Variants in TLE3 observed in about 807,000 individuals in gnomAD.
The protein encoded by TLE3 is TLE family member 3, transcriptional corepressor, also known as transducin-like enhancer protein 3.
In TLE3, 14 loss-of-function variants were observed where a neutral mutation model predicts 93.0. That is an observed-to-expected ratio of 0.15 (90% CI 0.10 to 0.24). TLE3 has a LOEUF of 0.24. Ranked by LOEUF, TLE3 falls within the 10% of genes least tolerant of loss-of-function variation. The probability of loss-of-function intolerance (pLI) is 1.00; values close to 1 mark genes in which losing one functional copy is unlikely to be tolerated. For missense variants in TLE3, 693 were observed against 1,046.6 expected (o/e 0.66, Z 4.66); for synonymous variants, 451 against 425.0 (o/e 1.06, Z -0.75).
chr15:70,095,764 T>G, intron 2 of TLE3, 123 bp from the exon 3 acceptor site: 61 of 1,145,952 alleles, frequency 5.3e-5, no homozygotes, highest in Non-Finnish European at 6.9e-5. Flanking sequence ...GCGCCCCCAT[T>G]ATCCCACAGC....
intron 18 of TLE3, 107 bp downstream of exon 18, chr15:70,052,267 G>C (rs1488452554): frequency 2.8e-6 from 4 of 1,440,562 alleles, no homozygotes; most frequent in Non-Finnish European, 3.7e-6. Context: ...CTGGTTCCAG[G>C]GCCTAGCTTA....
rs2055306701 is a variant in TLE3 at position 70,049,181 on chromosome 15, C to T, written c.*916G>A. The T allele has an allele frequency of 6.6e-6, 1 of 152,176 alleles. No individual in the cohort carries two copies. Among genetic ancestry groups the T allele is most frequent in the African/African-American group, 2.4e-5 (1 of 41,392 alleles). The allele number at this position is 152,176 out of a possible 1,614,324, so 9.4% of individuals were successfully genotyped here. ...CTCACAACAATAACTAAGTGTGCAC[C>T]AAAGAGAAAGACCAGGCTGAGGAGG... is the stretch of plus-strand genomic sequence containing the variant. On this transcript the variant is annotated 3_prime_UTR_variant, in exon 20 of 20. Transcript: ENST00000451782.
chr15:70,083,578 C>T (rs989151235), intron 4 of TLE3, among the ~76,000 whole-genome samples: 1 of 146,450 alleles, frequency 6.8e-6, no homozygotes, highest in Non-Finnish European at 1.5e-5. Flanking sequence ...CCCCCTCCCC[C>T]ACCTTCCCAG....
chr15:70,086,998 C>T (rs1227497150), intron 4 of TLE3, among the ~76,000 whole-genome samples: 1 of 152,234 alleles, frequency 6.6e-6, no homozygotes, highest in African/African-American at 2.4e-5. Context: ...ACAAACACAA[C>T]GTTTGCAGCC....
intron 8 of TLE3, among the ~76,000 whole-genome samples, chr15:70,062,004 C>T (rs2056508338): frequency 6.6e-6 from 1 of 152,204 alleles, no homozygotes. Flanking sequence ...GGGGCAAGGG[C>T]CACTTGGAGG....
rs761641757 is a variant in TLE3, at chr15:70,052,516, C to T, written c.1983G>A (p.Ser661=). The change falls in exon 18 of 20, where the codon TCG becomes TCA. Residue 661 remains serine (S), a synonymous_variant. Coordinates refer to ENST00000451782, the MANE Select transcript of TLE3 (RefSeq NM_001105192.3). ...QQHDFTSQIF[S]LGYCPTGEWL... Reference sequence around the variant, plus strand: ...ACTCCCCAGTGGGGCAGTAGCCCAGCGAGAAGATCTGCAGGTGGTGGGAGG... The same window carrying T: ...ACTCCCCAGTGGGGCAGTAGCCCAGTGAGAAGATCTGCAGGTGGTGGGAGG... 1.9e-4 allele frequency: 311 copies of T among 1,613,044 alleles called. No homozygotes were observed. The highest frequency in any genetic ancestry group is 3.3e-5 in the South Asian group (3 of 91,004).
At chr15:70,089,183 A>G (rs1160952953) in intron 4 of TLE3, among the ~76,000 whole-genome samples, 1 of 152,024 alleles carries the variant, frequency 6.6e-6, no homozygotes, top group Non-Finnish European at 1.5e-5. Context: ...TCCCTTTCAG[A>G]CTCGCGCCAA....
chr15:70,076,072 A>G (rs746677010), intron 5 of TLE3, 24 bp downstream of exon 5: 3 of 1,611,598 alleles, frequency 1.9e-6, no homozygotes, highest in Non-Finnish European at 2.5e-6. Context: ...AAGAAAAGGA[A>G]GAAATAATAA....
chr15:70,094,799 G>T, intron 3 of TLE3: 1 of 530,560 alleles, frequency 1.9e-6, no homozygotes, highest in East Asian at 3.1e-5. Flanking sequence ...TGGTAGTAAG[G>T]GGAGCTGGGC....
chr15:70,094,727 G>C, intron 3 of TLE3, 151 bp from the exon 4 acceptor site: 2 of 636,734 alleles, frequency 3.1e-6, no homozygotes, highest in Non-Finnish European at 5.5e-6. Flanking sequence ...CCAGCTTACA[G>C]AGCGGTTTAA....
chr15:70,051,357 GA>G (rs780690303), intron 19 of TLE3, 33 bp downstream of exon 19: 2 of 1,564,400 alleles, frequency 1.3e-6, no homozygotes, highest in Non-Finnish European at 8.7e-7. Flanking sequence ...ACTCTGGGTA[GA>G]ACCCAGAGGA....
At position 70,060,517 on chromosome 15, in the gene TLE3, G is replaced by A. The variant is rs375236219; in HGVS notation, c.714+13C>T. 1.2e-5 allele frequency: 19 copies of A among 1,613,356 alleles called. No homozygotes were observed. The highest frequency in any genetic ancestry group is 1.1e-4 in the African/African-American group (8 of 75,010). Reference sequence around the variant, plus strand: ...ACAGAAACCCCAGTGGTGCCATGGCGCCTTGGACGTACGTATCGGCTCAAG... The same window carrying A: ...ACAGAAACCCCAGTGGTGCCATGGCACCTTGGACGTACGTATCGGCTCAAG... On this transcript the variant is annotated intron_variant, in intron 9 of 19. Coordinates refer to ENST00000451782, the MANE Select transcript of TLE3 (RefSeq NM_001105192.3).
intron 3 of TLE3, 153 bp from the exon 4 acceptor site, chr15:70,094,729 GCGGT>G: frequency 1.6e-6 from 1 of 629,720 alleles, no homozygotes; most frequent in Non-Finnish European, 2.8e-6. Context: ...AGCTTACAGA[GCGGT>G]TTAAGAGCTG....
In TLE3 at chr15:70,049,232, G is replaced by C. The variant is rs1268756588; in HGVS notation, c.*865C>G. 1 of 152,422 alleles carries C rather than the reference G, an allele frequency of 6.6e-6. No homozygotes were observed. The highest frequency in any genetic ancestry group is 1.5e-5 in the Non-Finnish European group (1 of 68,170). The allele number at this position is 152,422 out of a possible 1,614,324, so 9.4% of individuals were successfully genotyped here. ...AGAGAGGGAGAGACCAAGAAAGAGA[G>C]ACACAGAGAGGGCAAGAGGCAGCCA... On this transcript the variant is annotated 3_prime_UTR_variant, in exon 20 of 20. Transcript: ENST00000451782.
intron 4 of TLE3, among the ~76,000 whole-genome samples, chr15:70,089,550 C>G (rs1304115586): frequency 1.3e-5 from 2 of 152,194 alleles, no homozygotes; most frequent in East Asian, 1.9e-4. Flanking sequence ...AATCGGAACT[C>G]TACTCTCAGA....
At chr15:70,065,973 A>ACCCCCGCCCCCCCCCCCC in intron 7 of TLE3, 41 bp downstream of exon 7, 7 of 806,244 alleles carry the variant, frequency 8.7e-6, no homozygotes, top group Non-Finnish European at 1.3e-5. Context: ...GCCCATGCCC[A>ACCCCCGCCCCCCCCCCCC]CCCCTGCCCC....
rs2058598604 is a variant in TLE3, at chr15:70,096,989, C to CCCAA, written c.-192_-191insTTGG. Reference sequence around the variant, plus strand: ...CCCGCCCCAAGTGGAGACAAAGAGCCGCGGAGCAGGCGGCAAAGTCGTCGG... The same window carrying CCCAA: ...CCCGCCCCAAGTGGAGACAAAGAGCCCCAAGCGGAGCAGGCGGCAAAGTCGTCGG... On this transcript the variant is annotated 5_prime_UTR_variant, in exon 1 of 20. Transcript: ENST00000451782. The CCCAA allele has an allele frequency of 4.3e-6, 3 of 699,220 alleles. No individual in the cohort carries two copies. In the African/African-American group the frequency reaches 5.7e-5, roughly 13 times the overall value. 43.3% of individuals were successfully genotyped at this position (699,220 alleles called of 1,614,324 possible). A position where few individuals can be genotyped will look rare whatever the true frequency, so the allele number is the denominator to read the frequency against.
intron 6 of TLE3, among the ~76,000 whole-genome samples, chr15:70,068,336 G>A (rs963106627): frequency 6.6e-6 from 1 of 152,180 alleles, no homozygotes; most frequent in African/African-American, 2.4e-5. Flanking sequence ...ATTTAGGAAT[G>A]TTCTGAAGAA....
At chr15:70,094,602 A>G in intron 3 of TLE3, 26 bp from the exon 4 acceptor site, 2 of 1,485,608 alleles carry the variant, frequency 1.3e-6, no homozygotes, top group East Asian at 2.4e-5. Context: ...ATGGCTATTA[A>G]CAGACAACAC....
Sources: gnomAD v4.1 joint callset for allele counts (sites outside exome capture counted in the v4.1 genomes callset) on GRCh38, gnomAD v4.1.1 for gene constraint, MANE v1.5 for transcripts, NCBI Gene and HGNC (gene_info 2026-07-23, HGNC 2026-07-21) for gene names.